The following MIDEAS variants were observed in gnomAD, a reference collection of about 807,000 sequenced individuals.
MIDEAS encodes mitotic deacetylase-associated SANT domain protein.
A neutral mutation model predicts 102.7 loss-of-function variants in MIDEAS; 26 were observed. The ratio of observed to expected loss-of-function variants is 0.25; its 90% CI spans 0.19 to 0.35. The LOEUF is 0.35. Ranked by LOEUF, MIDEAS falls within the 10% of genes least tolerant of loss-of-function variation. The probability of loss-of-function intolerance (pLI) is 1.00; values close to 1 mark genes in which losing one functional copy is unlikely to be tolerated. For missense variants in MIDEAS, 1,231 were observed against 1,435.6 expected, an observed-to-expected ratio of 0.86 and a Z score of 2.30; for synonymous variants, 585 against 591.0, an observed-to-expected ratio of 0.99 and a Z score of 0.15.
chr14:73,746,136 T>A (rs1292813750), intron 1 of MIDEAS, among the ~76,000 whole-genome samples: 8 of 152,232 alleles, frequency 5.3e-5, no homozygotes, highest in Non-Finnish European at 1.2e-4. Context: ...TCAGGGCTTA[T>A]GAGGCACTCT....
Position 73,715,558 on chromosome 14 carries a change from T to C in MIDEAS, c.*3285A>G, listed in dbSNP as rs1375425923. The C allele has an allele frequency of 6.6e-6, 1 of 152,446 alleles. No individual in the cohort carries two copies. Among genetic ancestry groups the C allele is most frequent in the Non-Finnish European group, 1.5e-5 (1 of 68,036 alleles). 9.4% of individuals were successfully genotyped at this position (152,446 alleles called of 1,614,324 possible). The stretch of plus-strand genomic sequence containing the variant: ...GAAAAAGTGAAACAGCTGCAAATTG[T>C]TAGAAGCAAATATTAACATAGCAAA... On this transcript the variant is annotated 3_prime_UTR_variant, in exon 13 of 13. Coordinates refer to ENST00000423556, the MANE Select transcript of MIDEAS (RefSeq NM_001367710.1).
chr14:73,729,537 A>G lies in MIDEAS; in HGVS notation c.2095+103T>C, dbSNP rs980031169. On this transcript the variant is annotated intron_variant, in intron 4 of 12. Transcript: ENST00000423556. The stretch of plus-strand genomic sequence containing the variant: ...AAGACAGAGCAGAGCTCCTTCTCCC[A>G]GAGTGTTCCAGCCCAATCCCCAGCA... 17 of 928,462 alleles carry G rather than the reference A, an allele frequency of 1.8e-5. No individual in the cohort carries two copies. The African/African-American group carries it at 2.7e-4, about 15-fold the overall frequency. 57.5% of individuals were successfully genotyped at this position (928,462 alleles called of 1,614,324 possible).
At chr14:73,735,639 T>C (rs1461161808) in intron 3 of MIDEAS, among the ~76,000 whole-genome samples, 2 of 152,110 alleles carry the variant, frequency 1.3e-5, no homozygotes, top group Non-Finnish European at 2.9e-5. Context: ...TAACAGTAAA[T>C]GATGGGAGAA....
chr14:73,737,409 A>AG, intron 2 of MIDEAS, 112 bp from the exon 3 acceptor site: 4 of 1,231,690 alleles, frequency 3.2e-6, no homozygotes, highest in Non-Finnish European at 4.5e-6. Context: ...GGATCACTTG[A>AG]CGCCACAAGT....
chr14:73,789,399 C>T (rs924692827), upstream of MIDEAS, among the ~76,000 whole-genome samples: 3 of 152,130 alleles, frequency 2.0e-5, no homozygotes, highest in Admixed American at 2.0e-4. Context: ...GCCTCTCCTT[C>T]CCCCCATGTT....
chr14:73,743,154 C>G (rs1003958900), intron 1 of MIDEAS, among the ~76,000 whole-genome samples: 4 of 152,034 alleles, frequency 2.6e-5, no homozygotes, highest in Non-Finnish European at 4.4e-5. Flanking sequence ...GACCCCAGAC[C>G]CCTCTTCATA....
At chr14:73,788,426 G>A (rs903441269), upstream of MIDEAS, among the ~76,000 whole-genome samples, 1 of 152,144 alleles carries the variant, frequency 6.6e-6, no homozygotes, top group African/African-American at 2.4e-5. Flanking sequence ...AAAGGTGGAT[G>A]TAAGACTGAT....
At chr14:73,788,692 C>A (rs1439638249), upstream of MIDEAS, among the ~76,000 whole-genome samples, 4 of 152,146 alleles carry the variant, frequency 2.6e-5, no homozygotes, top group Non-Finnish European at 4.4e-5. Context: ...AATTAAAGTT[C>A]CCTGAAATTC....
In MIDEAS at chr14:73,717,470, G is replaced by A. The variant is rs1407101375; in HGVS notation, c.*1373C>T. The A allele has an allele frequency of 6.6e-6, 1 of 152,334 alleles. No individual in the cohort carries two copies. The highest frequency in any genetic ancestry group is 1.5e-5 in the Non-Finnish European group (1 of 68,064). 9.4% of individuals were successfully genotyped at this position (152,334 alleles called of 1,614,324 possible). ...CTCAGGCAAAGCACAGCCAGAGAAG[G>A]GGCAGCAAGAACTGCCTTAATCTCC... On this transcript the variant is annotated 3_prime_UTR_variant, in exon 13 of 13. Transcript: ENST00000423556.
chr14:73,761,600 TGA>T (rs1230467000), upstream of MIDEAS, among the ~76,000 whole-genome samples: 1 of 152,126 alleles, frequency 6.6e-6, no homozygotes, highest in Non-Finnish European at 1.5e-5. Flanking sequence ...GAGGACCTCT[TGA>T]GATCCCTTCC....
In MIDEAS at chr14:73,718,673, G is replaced by A. The variant is rs1291226536; in HGVS notation, c.*170C>T. On this transcript the variant is annotated 3_prime_UTR_variant, in exon 13 of 13. Transcript: ENST00000423556. Reference sequence around the variant, plus strand: ...CCTGGAGCCCTTAACGCTGCTCCCAGGGCCTTCATAAATAAAAGAGCCGTT... The same window carrying A: ...CCTGGAGCCCTTAACGCTGCTCCCAAGGCCTTCATAAATAAAAGAGCCGTT... 2 of 632,172 alleles carry A rather than the reference G, an allele frequency of 3.2e-6. No individual in the cohort carries two copies. Among genetic ancestry groups the A allele is most frequent in the African/African-American group, 1.9e-5 (1 of 51,630 alleles). The allele number at this position is 632,172 out of a possible 1,614,324, so 39.2% of individuals were successfully genotyped here. A position where few individuals can be genotyped will look rare whatever the true frequency, so the allele number is the denominator to read the frequency against.
At chr14:73,777,900 T>A (rs935563278) in intron 1 of MIDEAS, among the ~76,000 whole-genome samples, 2 of 151,942 alleles carry the variant, frequency 1.3e-5, no homozygotes, top group Non-Finnish European at 2.9e-5. Context: ...CTTTTGTAGA[T>A]GTTTGTCTCC....
chr14:73,731,004 G>T (rs1438376937), intron 3 of MIDEAS, among the ~76,000 whole-genome samples: 2 of 152,192 alleles, frequency 1.3e-5, no homozygotes, highest in African/African-American at 4.8e-5. Flanking sequence ...GACAGTCCTT[G>T]TCCTTGCAGA....
chr14:73,732,779 C>T (rs1174426067), intron 3 of MIDEAS, among the ~76,000 whole-genome samples: 1 of 123,990 alleles, frequency 8.1e-6, no homozygotes, highest in Admixed American at 9.1e-5. Context: ...CAGTGAGACT[C>T]CCTCTCAAAA....
At chr14:73,768,360 C>T (rs1425184117) in intron 1 of MIDEAS, among the ~76,000 whole-genome samples, 1 of 152,040 alleles carries the variant, frequency 6.6e-6, no homozygotes, top group Non-Finnish European at 1.5e-5. Flanking sequence ...CTCTCTGCTA[C>T]ATGAGGATAC....
chr14:73,743,722 AT>A (rs2053312081), intron 1 of MIDEAS, among the ~76,000 whole-genome samples: 1 of 152,190 alleles, frequency 6.6e-6, no homozygotes, highest in African/African-American at 2.4e-5. Flanking sequence ...AGAGGATGTC[AT>A]GAGGAACTCC....
chr14:73,781,734 CAAAAAAAAAA>C (rs72374466), intron 1 of MIDEAS, among the ~76,000 whole-genome samples: 2 of 73,590 alleles, frequency 2.7e-5, no homozygotes, highest in Non-Finnish European at 4.8e-5. Context: ...AACTCTGTCT[CAAAAAAAAAA>C]AAAAAAAAAA....
chr14:73,778,872 C>T (rs2053717710), intron 1 of MIDEAS, among the ~76,000 whole-genome samples: 1 of 152,018 alleles, frequency 6.6e-6, no homozygotes, highest in Non-Finnish European at 1.5e-5. Flanking sequence ...GTCTAAGAGC[C>T]TTTCATGCTT....
At chr14:73,769,999 G>T (rs369578330) in intron 1 of MIDEAS, among the ~76,000 whole-genome samples, 1 of 150,808 alleles carries the variant, frequency 6.6e-6, no homozygotes, top group Non-Finnish European at 1.5e-5. Flanking sequence ...AGGTAATTAC[G>T]GTTGGTGGAC....
Sources: allele counts gnomAD v4.1 joint callset (sites outside exome capture counted in the v4.1 genomes callset), GRCh38; gene constraint gnomAD v4.1.1; transcripts MANE v1.5; gene names NCBI Gene and HGNC (gene_info 2026-07-23, HGNC 2026-07-21).